PTPN3: variants seen among roughly 807,000 people sequenced by gnomAD.
PTPN3 encodes tyrosine-protein phosphatase non-receptor type 3.
PTPN3 carries 96 observed loss-of-function variants against 132.7 expected under a neutral mutation model. The observed-to-expected ratio is 0.72, with a 90% CI of 0.61 to 0.86. PTPN3 has a LOEUF of 0.86. PTPN3 is among the 40% of genes least tolerant of loss of function. The pLI is 0.00. For synonymous variants in PTPN3, 398 were observed against 429.0 expected (o/e 0.93, Z 0.89); for missense variants, 1,125 against 1,159.6 (o/e 0.97, Z 0.43).
At chr9:109,384,922 C>T (rs528831700) in intron 22 of PTPN3, among the ~76,000 whole-genome samples, 14 of 152,322 alleles carry the variant, frequency 9.2e-5, no homozygotes, top group African/African-American at 3.1e-4. Context: ...TGTGACTTTG[C>T]TTAGACATGA....
chr9:109,415,188 G>C (rs1433355963), intron 14 of PTPN3, among the ~76,000 whole-genome samples: 2 of 152,050 alleles, frequency 1.3e-5, no homozygotes, highest in African/African-American at 2.4e-5. Context: ...AGGAAGGAGA[G>C]GTGAATAGGG....
Position 109,391,878 on chromosome 9 carries a change from G to T in PTPN3, c.1954-317C>A, listed in dbSNP as rs900842517. On this transcript the variant is annotated intron_variant, in intron 19 of 25. Transcript: ENST00000374541. ...CTAAAAGCAACTAGATGTGGGGGGG[G>T]GGGGGAAGAATTCTGGCTCAAAATT... is the stretch of plus-strand genomic sequence containing the variant. Among the ~76,000 whole-genome samples the T allele has an allele frequency of 4.0e-5, 4 of 99,508 alleles. 1 individual carries two copies. The East Asian group carries it at 1.0e-3, about 26-fold the overall frequency. The allele number at this position is 99,508 out of a possible 152,430, so 65.3% of individuals were successfully genotyped here.
intron 10 of PTPN3, among the ~76,000 whole-genome samples, chr9:109,432,116 A>C (rs985081647): frequency 3.3e-5 from 5 of 149,714 alleles, no homozygotes; most frequent in African/African-American, 1.2e-4. Flanking sequence ...TATTATATAT[A>C]TTATTATATA....
intron 1 of PTPN3, among the ~76,000 whole-genome samples, chr9:109,493,460 G>A (rs550286234): frequency 1.3e-5 from 2 of 152,248 alleles, no homozygotes; most frequent in Admixed American, 1.3e-4. Flanking sequence ...ACTCTACACT[G>A]CTTAAACATT....
intron 19 of PTPN3, among the ~76,000 whole-genome samples, chr9:109,392,079 CAT>C (rs1840171068): frequency 6.6e-6 from 1 of 152,172 alleles, no homozygotes; most frequent in South Asian, 2.1e-4. Flanking sequence ...CTTCCCTACA[CAT>C]GTAATCACTA....
intron 19 of PTPN3, among the ~76,000 whole-genome samples, chr9:109,402,060 T>C (rs1346380998): frequency 6.6e-6 from 1 of 152,226 alleles, no homozygotes; most frequent in African/African-American, 2.4e-5. Flanking sequence ...ATCAGGTTCC[T>C]GATCCAGGGG....
At position 109,389,241 on chromosome 9, in the gene PTPN3, G is replaced by T. The variant is rs761338097; in HGVS notation, c.2245C>A (p.Arg749=). ...LIVMLTTLTE[R]GRTKCHQYWP... ...GAAATCAAGCTACTTACCCGCCCTC[G>T]TTCTGTGAGAGTCGTCAACATGACA... Residue 749 remains arginine, a synonymous_variant, in exon 22 of 26, where the codon CGA becomes AGA. Coordinates refer to ENST00000374541, the MANE Select transcript of PTPN3 (RefSeq NM_002829.4). 1 of 1,614,106 alleles carries T rather than the reference G, an allele frequency of 6.2e-7. No homozygotes were observed. The highest frequency in any genetic ancestry group is 1.7e-5 in the Admixed American group (1 of 60,016).
intron 3 of PTPN3, 25 bp from the exon 4 acceptor site, chr9:109,457,240 A>G (rs1845611657): frequency 6.2e-7 from 1 of 1,613,602 alleles, no homozygotes; most frequent in Non-Finnish European, 8.5e-7. Flanking sequence ...AACATAAAAT[A>G]TAAAAGCAAA....
intron 13 of PTPN3, 114 bp from the exon 14 acceptor site, chr9:109,420,714 G>C (rs1435668141): frequency 8.8e-7 from 1 of 1,130,878 alleles, no homozygotes; most frequent in Admixed American, 2.6e-5. Context: ...TTCCTTGGCG[G>C]AGGCTGACAT....
intron 1 of PTPN3, among the ~76,000 whole-genome samples, chr9:109,492,114 G>A (rs1030211653): frequency 5.9e-5 from 9 of 152,042 alleles, no homozygotes; most frequent in Non-Finnish European, 1.2e-4. Flanking sequence ...GAGGGGACTC[G>A]GGGGAGCCAG....
chr9:109,537,790 T>C, the PTPN3 span, among the ~76,000 whole-genome samples: 1 of 152,226 alleles, frequency 6.6e-6, no homozygotes, highest in Non-Finnish European at 1.5e-5. Context: ...CTTCTGAAAA[T>C]ATACTGCCCA....
intron 9 of PTPN3, among the ~76,000 whole-genome samples, chr9:109,434,273 G>C (rs1383203455): frequency 6.6e-6 from 1 of 150,744 alleles, no homozygotes; most frequent in African/African-American, 2.4e-5. Context: ...TTCCCAAGTA[G>C]CTGGGACTAC....
At chr9:109,434,684 A>G (rs1054870021) in intron 9 of PTPN3, among the ~76,000 whole-genome samples, 2 of 152,214 alleles carry the variant, frequency 1.3e-5, no homozygotes, top group Non-Finnish European at 2.9e-5. Flanking sequence ...TCTGGCACCT[A>G]CTAGCTATAT....
At chr9:109,410,704 G>C (rs1842012030) in intron 14 of PTPN3, among the ~76,000 whole-genome samples, 2 of 152,214 alleles carry the variant, frequency 1.3e-5, no homozygotes, top group Non-Finnish European at 2.9e-5. Context: ...GGGTGACAGG[G>C]AAATGTGTCC....
intron 25 of PTPN3, among the ~76,000 whole-genome samples, chr9:109,380,987 T>G (rs938909836): frequency 6.6e-6 from 1 of 152,132 alleles, no homozygotes; most frequent in African/African-American, 2.4e-5. Context: ...TCCTACTAGA[T>G]ACAAGCCTGT....
In PTPN3 at chr9:109,406,590, T is replaced by C; in HGVS notation, c.1664A>G (p.Glu555Gly). The part of the protein sequence containing the change: ...PADTCIPKLN[E>G]GDQIVLINGR... ...ATTGATTAACACGATTTGATCCCCT[T>C]CGTTCAGCTTAGGAATGCAGGTGTC... The change falls in exon 18 of 26, where the codon GAA becomes GGA. Residue 555 changes from glutamate to glycine, a missense_variant. Glu to Gly is a moderately conservative substitution (Grantham distance 98). Transcript: ENST00000374541. The C allele has an allele frequency of 6.2e-7, 1 of 1,614,184 alleles. No homozygotes were observed. The highest frequency in any genetic ancestry group is 8.5e-7 in the Non-Finnish European group (1 of 1,180,020).
chr9:109,457,645 C>G (rs2132031927), intron 2 of PTPN3, among the ~76,000 whole-genome samples: 1 of 152,304 alleles, frequency 6.6e-6, no homozygotes, highest in Admixed American at 6.5e-5. Context: ...CTTCCTTCCC[C>G]CTTAGCTGCA....
intron 14 of PTPN3, among the ~76,000 whole-genome samples, chr9:109,414,758 C>T (rs922829061): frequency 7.2e-5 from 11 of 152,216 alleles, no homozygotes; most frequent in Non-Finnish European, 1.2e-4. Context: ...TGCTAAACCT[C>T]GGTCAATTCA....
the PTPN3 span, among the ~76,000 whole-genome samples, chr9:109,511,805 TC>T: frequency 1.3e-5 from 2 of 152,186 alleles, no homozygotes; most frequent in Non-Finnish European, 2.9e-5. Flanking sequence ...TTTGGTTGAA[TC>T]CCTGTATTAT....
Sources: gnomAD v4.1 joint callset for allele counts (sites outside exome capture counted in the v4.1 genomes callset) on GRCh38, gnomAD v4.1.1 for gene constraint, MANE v1.5 for transcripts, NCBI Gene and HGNC (gene_info 2026-07-23, HGNC 2026-07-21) for gene names.